FAM114A2: variants seen among roughly 807,000 people sequenced by gnomAD.
The protein encoded by FAM114A2 is protein FAM114A2.
A neutral mutation model predicts 58.4 loss-of-function variants in FAM114A2; 53 were observed. That is an observed-to-expected ratio of 0.91 (90% CI 0.73 to 1.14). The LOEUF (loss-of-function observed/expected upper bound fraction) is 1.14, where lower values mean the gene tolerates loss of function less well. Among genes scored for constraint, FAM114A2 ranks in the 50% most tolerant of loss-of-function variants. The pLI is 0.00. For synonymous variants in FAM114A2, 228 were observed against 211.4 expected (o/e 1.08, Z -0.68); for missense variants, 601 against 581.1 (o/e 1.03, Z -0.35).
intron 11 of FAM114A2, among the ~76,000 whole-genome samples, chr5:154,000,365 C>T (rs1769895630): frequency 6.6e-6 from 1 of 151,842 alleles, no homozygotes; most frequent in Non-Finnish European, 1.5e-5. Flanking sequence ...GAAATGATAC[C>T]AACATATAGA....
Position 154,034,996 on chromosome 5 carries a change from T to C in FAM114A2, c.-14-29A>G, listed in dbSNP as rs548980387. On this transcript the variant is annotated intron_variant, in intron 1 of 13. Coordinates refer to ENST00000351797, the MANE Select transcript of FAM114A2 (RefSeq NM_018691.4). ...GTAAAATGAAAGCCCAAAAAAAATT[T>C]ATATAGGCTTCTTTGGTATAAAGTA... The C allele has an allele frequency of 3.0e-5, 41 of 1,355,746 alleles. No individual in the cohort carries two copies. In the East Asian group the frequency reaches 4.4e-4, roughly 15 times the overall value. The allele number at this position is 1,355,746 out of a possible 1,614,324, so 84.0% of individuals were successfully genotyped here. A position where few individuals can be genotyped will look rare whatever the true frequency, so the allele number is the denominator to read the frequency against.
chr5:153,998,037 C>T (rs546202543), intron 11 of FAM114A2, among the ~76,000 whole-genome samples, 162 bp from the exon 12 acceptor site: 158 of 152,212 alleles, frequency 1.0e-3, no homozygotes, highest in Admixed American at 1.6e-3. Context: ...TCTGTGGTTT[C>T]ACTTTTTGCA....
intron 9 of FAM114A2, among the ~76,000 whole-genome samples, chr5:154,010,081 A>C (rs1404865218): frequency 6.6e-6 from 1 of 152,244 alleles, no homozygotes; most frequent in Non-Finnish European, 1.5e-5. Flanking sequence ...ACACATACTG[A>C]AACATTTAGA....
At chr5:154,022,385 A>G (rs1045408319) in intron 8 of FAM114A2, among the ~76,000 whole-genome samples, 10 of 152,210 alleles carry the variant, frequency 6.6e-5, no homozygotes, top group African/African-American at 1.7e-4. Context: ...CAATCTACCC[A>G]TCTGACAAAG....
chr5:154,023,324 G>T (rs58728233), intron 8 of FAM114A2, among the ~76,000 whole-genome samples: 3,760 of 152,024 alleles, frequency 0.025, 101 homozygotes, highest in African/African-American at 0.063. Flanking sequence ...ACTTGCACAC[G>T]CATGTTTAAG....
intron 1 of FAM114A2, chr5:154,037,109 T>A (rs1005837179): frequency 7.2e-5 from 11 of 152,150 alleles, no homozygotes; most frequent in African/African-American, 2.7e-4. Context: ...TTTTGACAGA[T>A]GATGATGCCA....
chr5:154,033,848 T>TC lies in FAM114A2; in HGVS notation c.345dup (p.Thr116AspfsTer10). On this transcript the variant is annotated frameshift_variant, in exon 4 of 14. Transcript: ENST00000351797. LOFTEE classifies it high-confidence loss of function. ...CTGGGACCAGGGATTCCAAGGGAAGTCTCTGCCTTCTCGATGACATTTGAA... is the reference window on the plus strand; with the variant it reads ...CTGGGACCAGGGATTCCAAGGGAAGTCCTCTGCCTTCTCGATGACATTTGAA... The TC allele has an allele frequency of 6.2e-7, 1 of 1,611,224 alleles. No individual in the cohort carries two copies. Among genetic ancestry groups the TC allele is most frequent in the Non-Finnish European group, 8.5e-7 (1 of 1,177,604 alleles).
chr5:154,014,988 C>T (rs1770941247), intron 8 of FAM114A2, among the ~76,000 whole-genome samples: 1 of 152,048 alleles, frequency 6.6e-6, no homozygotes, highest in African/African-American at 2.4e-5. Context: ...TGAGACTGGC[C>T]CTTTGGGTTG....
Position 154,034,361 on chromosome 5 carries a change from T to A in FAM114A2, c.227A>T (p.Asp76Val). Reference protein sequence around the residue: ...VLPIQDNVSKDVPQTRWGYWG... With the variant: ...VLPIQDNVSKVVPQTRWGYWG... ...ATAACCCCATCTGGTCTGGGGTACA[T>A]CTTTGGAAACATTATCCTAATTTCC... Residue 76 changes from aspartate to valine, a missense_variant, in exon 3 of 14, where the codon GAT becomes GTT. Coordinates refer to ENST00000351797, the MANE Select transcript of FAM114A2 (RefSeq NM_018691.4). 1.3e-6 allele frequency: 2 copies of A among 1,578,924 alleles called. No individual in the cohort carries two copies. Among genetic ancestry groups the A allele is most frequent in the Non-Finnish European group, 1.7e-6 (2 of 1,163,394 alleles).
At chr5:154,010,143 TTATC>T (rs1342982743) in intron 9 of FAM114A2, among the ~76,000 whole-genome samples, 7 of 152,194 alleles carry the variant, frequency 4.6e-5, no homozygotes, top group African/African-American at 1.7e-4. Flanking sequence ...AATAAAGTGT[TTATC>T]TATATATGTA....
chr5:154,012,612 A>C (rs1370589719), intron 8 of FAM114A2, among the ~76,000 whole-genome samples: 6 of 152,154 alleles, frequency 3.9e-5, no homozygotes, highest in Non-Finnish European at 7.3e-5. Flanking sequence ...CTCTCCATCC[A>C]CTATCCTTTT....
intron 6 of FAM114A2, 71 bp downstream of exon 6, chr5:154,028,078 T>G (rs1375338746): frequency 2.1e-5 from 28 of 1,310,634 alleles, no homozygotes; most frequent in Non-Finnish European, 2.8e-5. Context: ...CTAACAAGGT[T>G]CCAAGTAAAC....
At position 154,026,498 on chromosome 5, in the gene FAM114A2, T is replaced by C; in HGVS notation, c.814A>G (p.Ser272Gly). The C allele has an allele frequency of 6.5e-7, 1 of 1,543,562 alleles. No individual in the cohort carries two copies. Among genetic ancestry groups the C allele is most frequent in the East Asian group, 2.4e-5 (1 of 41,030 alleles). The change falls in exon 8 of 14, where the codon AGT becomes GGT. Residue 272 changes from serine (S) to glycine (G), a missense_variant. Physicochemically the swap from Ser to Gly is moderately conservative, Grantham distance 56. Transcript: ENST00000351797. ...TTTAGAGTCTCTAATTCTTCTCCAC[T>C]CAGAGAATTAAGGATAGATTTCACC... ...IKVKSILNSL[S>G]GEELETLKVE... is the part of the protein sequence containing the mutation.
chr5:154,027,473 TG>T, intron 6 of FAM114A2, 139 bp from the exon 7 acceptor site: 2 of 586,728 alleles, frequency 3.4e-6, no homozygotes, highest in Non-Finnish European at 5.5e-6. Flanking sequence ...TATTCAAATC[TG>T]GTGGGCTCAG....
chr5:154,024,761 G>A (rs1339676493), intron 8 of FAM114A2, among the ~76,000 whole-genome samples: 1 of 152,036 alleles, frequency 6.6e-6, no homozygotes, highest in Non-Finnish European at 1.5e-5. Context: ...TTTTACCCAT[G>A]GTGATTTGAC....
At chr5:154,034,617 A>G (rs766322857) in intron 2 of FAM114A2, 127 bp downstream of exon 2, 15 of 741,370 alleles carry the variant, frequency 2.0e-5, no homozygotes, top group Non-Finnish European at 3.2e-5. Flanking sequence ...ACTGTATTTT[A>G]GGGTTGTAAA....
At chr5:154,033,915 T>C (rs1266027136) in intron 3 of FAM114A2, 32 bp from the exon 4 acceptor site, 5 of 1,391,068 alleles carry the variant, frequency 3.6e-6, no homozygotes, top group Non-Finnish European at 4.1e-6. Context: ...TTTTTTGCTA[T>C]TTGTCACCAA....
At chr5:154,030,877 C>T (rs1772147055) in intron 4 of FAM114A2, among the ~76,000 whole-genome samples, 1 of 152,158 alleles carries the variant, frequency 6.6e-6, no homozygotes, top group African/African-American at 2.4e-5. Flanking sequence ...GACATTTGAC[C>T]TCCAACCACA....
intron 10 of FAM114A2, 24 bp from the exon 11 acceptor site, chr5:154,002,414 C>T: frequency 6.2e-7 from 1 of 1,607,176 alleles, no homozygotes; most frequent in Non-Finnish European, 8.5e-7. Context: ...CAAAACAAAG[C>T]ATAGCAAAAC....
Sources: allele counts gnomAD v4.1 joint callset (sites outside exome capture counted in the v4.1 genomes callset), GRCh38; gene constraint gnomAD v4.1.1; transcripts MANE v1.5; gene names NCBI Gene and HGNC (gene_info 2026-07-23, HGNC 2026-07-21).